The following RAP1GAP2 variants were observed in gnomAD, a reference collection of about 807,000 sequenced individuals.
The protein encoded by RAP1GAP2 is RAP1 GTPase activating protein 2, also known as rap1 GTPase-activating protein 2.
A neutral mutation model predicts 95.0 loss-of-function variants in RAP1GAP2; 27 were observed. The observed-to-expected ratio is 0.28, with a 90% CI of 0.21 to 0.39. The LOEUF is 0.39. Among genes scored for constraint, RAP1GAP2 ranks in the 10% least tolerant of loss-of-function variants. The pLI, the probability that RAP1GAP2 is intolerant of heterozygous loss-of-function variation, is 1.00. For missense variants in RAP1GAP2, 771 were observed against 970.0 expected, an observed-to-expected ratio of 0.79 and a Z score of 2.72; for synonymous variants, 373 against 380.9, an observed-to-expected ratio of 0.98 and a Z score of 0.24.
chr17:2,934,973 T>C (rs1451926283), intron 3 of RAP1GAP2, among the ~76,000 whole-genome samples: 1 of 152,192 alleles, frequency 6.6e-6, no homozygotes, highest in African/African-American at 2.4e-5. Flanking sequence ...AGAAAAGCTT[T>C]AGGGAAGACG....
rs59234820 is a variant in RAP1GAP2, at chr17:2,965,190, C to A, written c.493-350C>A. On this transcript the variant is annotated intron_variant, in intron 7 of 24. Transcript: ENST00000254695. This position sits in a 1 kb window ranked among gnomAD's most constrained non-coding sequence, Gnocchi z 4.7. ...AACTTGCCCTTCAGAGTCAAGACAG[C>A]TGTGCGTTTGAACCCTGGATCTGTC... The A allele has an allele frequency of 0.49, 120,712 of 247,596 alleles. 30,766 individuals are homozygous for A. The highest frequency in any genetic ancestry group is 0.62 in the Admixed American group (12,488 of 20,018). The allele number at this position is 247,596 out of a possible 1,614,324, so 15.3% of individuals were successfully genotyped here. A position where few individuals can be genotyped will look rare whatever the true frequency, so the allele number is the denominator to read the frequency against.
Position 3,026,888 on chromosome 17 carries a change from C to T in RAP1GAP2, c.1981-56C>T, listed in dbSNP as rs541067096. ...GCTTTTGGGGGCTGCCTCAGGCCTG[C>T]GTGGGCGCAGCTGCCGAGGGTGGGC... On this transcript the variant is annotated intron_variant, in intron 21 of 24. Transcript: ENST00000254695. 3.7e-4 allele frequency: 571 copies of T among 1,527,308 alleles called. 2 individuals are homozygous for T. The highest frequency in any genetic ancestry group is 1.1e-3 in the Middle Eastern group (6 of 5,420). The allele number at this position is 1,527,308 out of a possible 1,614,324, so 94.6% of individuals were successfully genotyped here. A position where few individuals can be genotyped will look rare whatever the true frequency, so the allele number is the denominator to read the frequency against.
In RAP1GAP2 at chr17:2,987,604, G is replaced by A. The variant is rs990093312; in HGVS notation, c.813+2538G>A. Among the ~76,000 whole-genome samples the A allele has an allele frequency of 1.8e-4, 28 of 152,004 alleles. No homozygotes were observed. In the South Asian group the frequency reaches 1.9e-3, roughly 10 times the overall value. On this transcript the variant is annotated intron_variant, in intron 11 of 24. Transcript: ENST00000254695. ...TCGAACTCCCGACCTCAGGTGATCC[G>A]CCTGCCTTGGCCTCCCAAAGTGCTG... is the stretch of plus-strand genomic sequence containing the variant.
At chr17:2,844,506 G>A (rs1208537354) in intron 2 of RAP1GAP2, among the ~76,000 whole-genome samples, 1 of 152,242 alleles carries the variant, frequency 6.6e-6, no homozygotes, top group Non-Finnish European at 1.5e-5. Context: ...GCCCCAGAAA[G>A]CAGGCCTGGT....
At chr17:3,016,320 A>G (rs1264107183) in intron 17 of RAP1GAP2, among the ~76,000 whole-genome samples, 1 of 152,240 alleles carries the variant, frequency 6.6e-6, no homozygotes, top group Non-Finnish European at 1.5e-5. Context: ...AGGCTAACTG[A>G]CTGCCTTAGG....
chr17:2,830,026 A>C (rs1243458843), intron 2 of RAP1GAP2, among the ~76,000 whole-genome samples: 4 of 152,156 alleles, frequency 2.6e-5, no homozygotes, highest in Non-Finnish European at 5.9e-5. Flanking sequence ...GTGAGAACAC[A>C]TAACATGAAC....
chr17:2,957,444 C>T (rs1424868808), intron 3 of RAP1GAP2, among the ~76,000 whole-genome samples: 7 of 152,212 alleles, frequency 4.6e-5, no homozygotes, highest in Non-Finnish European at 1.0e-4. Flanking sequence ...ATGCCGAGGA[C>T]GATAGGCGTT....
At chr17:2,971,427 G>T (rs1294774650) in intron 8 of RAP1GAP2, among the ~76,000 whole-genome samples, 1 of 152,044 alleles carries the variant, frequency 6.6e-6, no homozygotes, top group Non-Finnish European at 1.5e-5. Flanking sequence ...ACCTTAAATG[G>T]TTTCCTATTA....
rs1270571329 is a variant in RAP1GAP2, at chr17:3,004,010, G to A, written c.1201-1359G>A. ...ACTCTAATGCAGGCTGGAGGAGGAG[G>A]GGGAGTGGGGTGGGAAGGGCAGAGC... On this transcript the variant is annotated intron_variant, in intron 14 of 24. Transcript: ENST00000254695. The surrounding 1 kb of genome is among the most constrained non-coding windows in gnomAD (Gnocchi z 4.1). Among the ~76,000 whole-genome samples the A allele has an allele frequency of 6.6e-6, 1 of 152,184 alleles. No homozygotes were observed. The highest frequency in any genetic ancestry group is 1.9e-4 in the East Asian group (1 of 5,194).
chr17:2,992,745 C>G (rs1195211415), intron 12 of RAP1GAP2, among the ~76,000 whole-genome samples: 1 of 152,154 alleles, frequency 6.6e-6, no homozygotes, highest in Non-Finnish European at 1.5e-5. Context: ...CTTCTCTGTC[C>G]TTCCTTCTTT....
intron 4 of RAP1GAP2, among the ~76,000 whole-genome samples, chr17:2,960,420 T>A (rs1036713220): frequency 6.6e-6 from 1 of 152,184 alleles, no homozygotes; most frequent in African/African-American, 2.4e-5. Flanking sequence ...TGTGTGTGTG[T>A]GAGGGGAGCG....
At chr17:2,929,409 C>T (rs73294658) in intron 3 of RAP1GAP2, among the ~76,000 whole-genome samples, 4 of 151,950 alleles carry the variant, frequency 2.6e-5, no homozygotes, top group East Asian at 1.9e-4. Context: ...CTGTGATGGG[C>T]GGCATTTATT....
At chr17:2,930,636 C>G (rs570129550) in intron 3 of RAP1GAP2, among the ~76,000 whole-genome samples, 1 of 152,216 alleles carries the variant, frequency 6.6e-6, no homozygotes, top group Non-Finnish European at 1.5e-5. Context: ...AGGCATCGCT[C>G]TCTTTTGGTA....
intron 2 of RAP1GAP2, among the ~76,000 whole-genome samples, chr17:2,820,926 T>G (rs1417968226): frequency 2.8e-5 from 4 of 141,780 alleles, no homozygotes; most frequent in South Asian, 2.2e-4. Context: ...TTAGTAGAGA[T>G]AGGTTTCATT....
intron 1 of RAP1GAP2, among the ~76,000 whole-genome samples, chr17:2,767,709 T>C (rs1236356008): frequency 6.6e-6 from 1 of 151,928 alleles, no homozygotes; most frequent in Non-Finnish European, 1.5e-5. Context: ...ATGGCTTTAC[T>C]ATATGGATGT....
chr17:3,012,720 A>C (rs752778175), intron 17 of RAP1GAP2, among the ~76,000 whole-genome samples: 2 of 151,498 alleles, frequency 1.3e-5, no homozygotes, highest in African/African-American at 2.4e-5. Flanking sequence ...CTGCATACGC[A>C]GCCCATGGGG....
chr17:2,901,239 G>A (rs72819280), intron 2 of RAP1GAP2, among the ~76,000 whole-genome samples: 1 of 152,120 alleles, frequency 6.6e-6, no homozygotes, highest in African/African-American at 2.4e-5. Context: ...CATGTGAGAA[G>A]GGGCAGGGCC....
intron 16 of RAP1GAP2, among the ~76,000 whole-genome samples, chr17:3,006,770 C>A (rs948873193): frequency 1.3e-5 from 2 of 152,162 alleles, no homozygotes; most frequent in Non-Finnish European, 1.5e-5. Flanking sequence ...ATGTGTCAGG[C>A]CCTATTCTGT....
intron 3 of RAP1GAP2, among the ~76,000 whole-genome samples, chr17:2,909,547 C>G (rs1207297153): frequency 5.3e-5 from 8 of 152,194 alleles, no homozygotes. Flanking sequence ...TTAACATATT[C>G]TTTCAAAAAA....
Sources: gnomAD v4.1 joint callset for allele counts (sites outside exome capture counted in the v4.1 genomes callset) on GRCh38, gnomAD v4.1.1 for gene constraint, Gnocchi (gnomAD v3.1) non-coding constraint, MANE v1.5 for transcripts, NCBI Gene and HGNC (gene_info 2026-07-23, HGNC 2026-07-21) for gene names.